Variants in PLPPR1 observed in about 807,000 individuals in gnomAD.
PLPPR1 encodes the protein phospholipid phosphatase-related protein type 1.
PLPPR1 carries 10 observed loss-of-function variants against 33.1 expected under a neutral mutation model. That is an observed-to-expected ratio of 0.30 (90% confidence interval 0.19 to 0.51). The LOEUF (loss-of-function observed/expected upper bound fraction) is 0.51, where lower values mean the gene tolerates loss of function less well. PLPPR1 is among the 20% of genes least tolerant of loss of function. The pLI, the probability that PLPPR1 is intolerant of heterozygous loss-of-function variation, is 0.97. For synonymous variants in PLPPR1, 151 were observed against 151.0 expected (o/e 1.00, Z 0.00); for missense variants, 304 against 408.1 (o/e 0.74, Z 2.20).
At chr9:101,179,034 T>C (rs1826060266) in intron 1 of PLPPR1, among the ~76,000 whole-genome samples, 1 of 152,148 alleles carries the variant, frequency 6.6e-6, no homozygotes, top group Non-Finnish European at 1.5e-5. Context: ...TACCTTTAAG[T>C]CAATGGGCTA....
intron 3 of PLPPR1, among the ~76,000 whole-genome samples, chr9:101,280,792 A>G (rs1371595962): frequency 1.3e-5 from 2 of 152,164 alleles, no homozygotes; most frequent in Non-Finnish European, 2.9e-5. Flanking sequence ...AATGCCATAT[A>G]AAACAGACCC....
intron 1 of PLPPR1, among the ~76,000 whole-genome samples, chr9:101,109,176 A>C (rs1205204865): frequency 2.4e-5 from 3 of 123,988 alleles, no homozygotes; most frequent in African/African-American, 6.3e-5. Context: ...TTGGGGTTTC[A>C]CCGTAGCCAG....
intron 1 of PLPPR1, among the ~76,000 whole-genome samples, chr9:101,078,110 GAAGAAGAAGA>G (rs1830564258): frequency 6.9e-4 from 8 of 11,630 alleles, no homozygotes; most frequent in Admixed American, 4.4e-3. Flanking sequence ...AGGAGAAGAA[GAAGAAGAAGA>G]AGAAGAAGAA....
At chr9:101,181,987 G>T (rs537631074) in intron 1 of PLPPR1, among the ~76,000 whole-genome samples, 17 of 150,326 alleles carry the variant, frequency 1.1e-4, no homozygotes, top group Non-Finnish European at 2.1e-4. Context: ...ATTGATAATT[G>T]ACACCTAGGT....
chr9:101,265,009 C>G (rs576647097), intron 2 of PLPPR1, among the ~76,000 whole-genome samples: 2 of 152,282 alleles, frequency 1.3e-5, no homozygotes, highest in African/African-American at 4.8e-5. Context: ...GTTTCCCCAG[C>G]TTGTATCAGG....
At chr9:101,288,427 G>C (rs772726673) in intron 4 of PLPPR1, among the ~76,000 whole-genome samples, 1 of 152,182 alleles carries the variant, frequency 6.6e-6, no homozygotes, top group Non-Finnish European at 1.5e-5. Context: ...AGGTGAGTTA[G>C]AGTTCAGCAT....
At chr9:101,220,947 G>A (rs1826920394) in intron 2 of PLPPR1, among the ~76,000 whole-genome samples, 1 of 152,178 alleles carries the variant, frequency 6.6e-6, no homozygotes, top group Admixed American at 6.5e-5. Flanking sequence ...CCCAGAAGAT[G>A]AAGAAATGGA....
At chr9:101,121,300 G>T (rs1395002535) in intron 1 of PLPPR1, among the ~76,000 whole-genome samples, 1 of 152,110 alleles carries the variant, frequency 6.6e-6, no homozygotes, top group Non-Finnish European at 1.5e-5. Flanking sequence ...ATCCTTTAAT[G>T]CTTGCAACAA....
At chr9:101,202,247 G>A (rs1299579178) in intron 2 of PLPPR1, among the ~76,000 whole-genome samples, 1 of 152,194 alleles carries the variant, frequency 6.6e-6, no homozygotes, top group East Asian at 1.9e-4. Context: ...TGACTGCTTA[G>A]CGTATTTGAG....
At position 101,279,455 on chromosome 9, in the gene PLPPR1, T is replaced by A. The variant is rs1325789159; in HGVS notation, c.253-6649T>A. On this transcript the variant is annotated intron_variant, in intron 3 of 7. Transcript: ENST00000374874. ...GAAAATCAATAAAGGAACATTGATC[T>A]TAATCTGTAGTATAGACCAAATGGA... Among the ~76,000 whole-genome samples, 4 of 152,330 alleles carry A rather than the reference T, an allele frequency of 2.6e-5. No homozygotes were observed. The East Asian group carries it at 7.7e-4, about 29-fold the overall frequency.
At chr9:101,136,800 G>C (rs568946493) in intron 1 of PLPPR1, among the ~76,000 whole-genome samples, 6 of 152,172 alleles carry the variant, frequency 3.9e-5, no homozygotes, top group Non-Finnish European at 8.8e-5. Flanking sequence ...GGTACCTGAA[G>C]CTGGGAAGGG....
chr9:101,064,613 G>C (rs929690413), intron 1 of PLPPR1, among the ~76,000 whole-genome samples: 2 of 152,036 alleles, frequency 1.3e-5, no homozygotes, highest in Non-Finnish European at 1.5e-5. Context: ...AAGCCCTCCT[G>C]GTCCAAGCGG....
At chr9:101,246,637 T>C (rs1414400031) in intron 2 of PLPPR1, among the ~76,000 whole-genome samples, 1 of 151,976 alleles carries the variant, frequency 6.6e-6, no homozygotes, top group Non-Finnish European at 1.5e-5. Flanking sequence ...AATTATACTA[T>C]CTCTCAACAG....
chr9:101,094,675 G>C (rs1255006085), intron 1 of PLPPR1, among the ~76,000 whole-genome samples: 1 of 152,024 alleles, frequency 6.6e-6, no homozygotes, highest in Admixed American at 6.6e-5. Flanking sequence ...GTCTATGTCA[G>C]GCACTGTTCT....
chr9:101,311,568 G>C (rs1828956956), intron 5 of PLPPR1, among the ~76,000 whole-genome samples: 1 of 152,146 alleles, frequency 6.6e-6, no homozygotes, highest in Non-Finnish European at 1.5e-5. Flanking sequence ...TAGGTTTTAA[G>C]TAACATTTAC....
rs765501670 is a variant in PLPPR1, at chr9:101,185,509, C to T, written c.15C>T (p.Asn5=). ...TGGTGTGAGAAATGGCTGTAGGAAACAACACTCAACGAAGTTATTCCATCA... is the reference window on the plus strand; with the variant it reads ...TGGTGTGAGAAATGGCTGTAGGAAATAACACTCAACGAAGTTATTCCATCA... The part of the protein sequence containing the change: MAVG[N]NTQRSYSIIP... The change falls in exon 2 of 8, where the codon AAC becomes AAT. Residue 5 remains asparagine (N), a synonymous_variant. Coordinates refer to ENST00000374874, the MANE Select transcript of PLPPR1 (RefSeq NM_207299.2). 3.7e-6 allele frequency: 6 copies of T among 1,609,124 alleles called. No homozygotes were observed. In the African/African-American group the frequency reaches 4.0e-5, roughly 11 times the overall value.
At chr9:101,163,321 A>T (rs1043227343) in intron 1 of PLPPR1, among the ~76,000 whole-genome samples, 3 of 152,208 alleles carry the variant, frequency 2.0e-5, no homozygotes, top group Admixed American at 6.5e-5. Context: ...TCATTCAACA[A>T]ATGTTTATGG....
intron 2 of PLPPR1, among the ~76,000 whole-genome samples, chr9:101,255,487 G>C (rs1004979802): frequency 1.3e-5 from 2 of 152,082 alleles, no homozygotes; most frequent in Non-Finnish European, 2.9e-5. Flanking sequence ...TCTGTGTTTC[G>C]AAGATTGCAA....
At chr9:101,259,614 G>A (rs1827860657) in intron 2 of PLPPR1, among the ~76,000 whole-genome samples, 1 of 152,170 alleles carries the variant, frequency 6.6e-6, no homozygotes, top group Admixed American at 6.5e-5. Flanking sequence ...TTTATCCAAG[G>A]TTAAAGAGAC....
Sources: gnomAD v4.1 joint callset for allele counts (sites outside exome capture counted in the v4.1 genomes callset) on GRCh38, gnomAD v4.1.1 for gene constraint, MANE v1.5 for transcripts, NCBI Gene and HGNC (gene_info 2026-07-23, HGNC 2026-07-21) for gene names.